Variants in ANKRD30B observed in about 807,000 individuals in gnomAD.
The protein encoded by ANKRD30B is ankyrin repeat domain-containing protein 30B.
A neutral mutation model predicts 202.2 loss-of-function variants in ANKRD30B; 144 were observed. The ratio of observed to expected loss-of-function variants is 0.71; its 90% CI spans 0.62 to 0.82. The LOEUF is 0.82. Ranked by LOEUF, ANKRD30B falls within the 40% of genes least tolerant of loss-of-function variation. ANKRD30B has a pLI of 0.00. For missense variants in ANKRD30B, 1,487 were observed against 1,669.1 expected (o/e 0.89, Z 1.90); for synonymous variants, 508 against 561.3 (o/e 0.91, Z 1.34).
At chr18:14,889,835 T>C in the ANKRD30B span, among the ~76,000 whole-genome samples, 1 of 151,774 alleles carries the variant, frequency 6.6e-6, no homozygotes, top group Non-Finnish European at 1.5e-5. Flanking sequence ...CAGAAAACAT[T>C]TTTTCTTAAC....
At chr18:14,810,252 A>T in intron 28 of ANKRD30B, 72 bp downstream of exon 28, 1 of 977,440 alleles carries the variant, frequency 1.0e-6, no homozygotes, top group Non-Finnish European at 1.5e-6. Context: ...AGAGCCTTTT[A>T]TTCCCAAAGT....
intron 26 of ANKRD30B, among the ~76,000 whole-genome samples, chr18:14,809,327 C>T (rs199728802): frequency 8.7e-5 from 13 of 150,014 alleles, no homozygotes; most frequent in African/African-American, 1.2e-4. Flanking sequence ...ACAGTCTTTC[C>T]ATAACCTATG....
At chr18:14,831,185 A>AAAAAAAAAAAAG (rs1970913464) in intron 33 of ANKRD30B, among the ~76,000 whole-genome samples, 198 bp from the exon 34 acceptor site, 1 of 150,278 alleles carries the variant, frequency 6.7e-6, no homozygotes, top group Non-Finnish European at 1.5e-5. Context: ...GTCTCGGAAA[A>AAAAAAAAAAAAG]AAAAAAAAAA....
Position 14,803,801 on chromosome 18 carries a change from A to G in ANKRD30B, c.2261A>G (p.Asp754Gly), listed in dbSNP as rs762476161. The G allele has an allele frequency of 8.1e-6, 13 of 1,602,978 alleles. No homozygotes were observed. Among genetic ancestry groups the G allele is most frequent in the East Asian group, 2.2e-5 (1 of 44,576 alleles). The change falls in exon 24 of 44, where the codon GAT (aspartate) becomes GGT (glycine). Residue 754 changes from aspartate to glycine, a missense_variant. Asp to Gly is a moderately conservative substitution (Grantham distance 94, BLOSUM62 -1). Transcript: ENST00000690538. ...AAGGCTACACATCAAAAAGAATTCGATACCTTAAGTGGAAAATTAGAAGGT... is the reference window on the plus strand; with the variant it reads ...AAGGCTACACATCAAAAAGAATTCGGTACCTTAAGTGGAAAATTAGAAGGT... ...LPKATHQKEF[D>G]TLSGKLEESP...
downstream of ANKRD30B, among the ~76,000 whole-genome samples, chr18:14,856,527 C>T (rs1424263580): frequency 7.2e-6 from 1 of 138,450 alleles, no homozygotes; most frequent in East Asian, 2.1e-4. Flanking sequence ...CCTCACCTCC[C>T]AGATGATGGG....
the ANKRD30B span, among the ~76,000 whole-genome samples, chr18:14,860,268 A>T: frequency 2.9e-5 from 4 of 138,722 alleles, no homozygotes; most frequent in Non-Finnish European, 4.6e-5. Flanking sequence ...CACTTCCCAG[A>T]TGGGGTGGCG....
chr18:14,753,473 G>A (rs117900645), intron 3 of ANKRD30B, among the ~76,000 whole-genome samples: 1,975 of 152,216 alleles, frequency 0.013, 20 homozygotes, highest in Non-Finnish European at 0.018. Context: ...TTTCCAGTTT[G>A]CCACTGTGCC....
At chr18:14,837,989 A>G (rs897157575) in intron 36 of ANKRD30B, among the ~76,000 whole-genome samples, 11 of 152,170 alleles carry the variant, frequency 7.2e-5, no homozygotes, top group Non-Finnish European at 1.0e-4. Flanking sequence ...GCATTCCAGC[A>G]TGGGCAACAG....
chr18:14,771,419 C>T (rs1350729535), intron 8 of ANKRD30B, among the ~76,000 whole-genome samples: 1 of 152,052 alleles, frequency 6.6e-6, no homozygotes, highest in African/African-American at 2.4e-5. Context: ...ATTTTTAAGG[C>T]TTTGCTAGTT....
At position 14,763,836 on chromosome 18, in the gene ANKRD30B, C is replaced by T; in HGVS notation, c.971C>T (p.Thr324Ile). The T allele has an allele frequency of 6.2e-7, 1 of 1,613,480 alleles. No homozygotes were observed. Among genetic ancestry groups the T allele is most frequent in the Non-Finnish European group, 8.5e-7 (1 of 1,179,722 alleles). The change falls in exon 7 of 44, where the codon ACA (threonine) becomes ATA (isoleucine). Residue 324 changes from threonine (T) to isoleucine (I), a missense_variant. By Grantham distance (89) the Thr-to-Ile change is moderately conservative. This residue lies in a region of ANKRD30B where 889 missense variants were observed against 841.4 expected (regional missense o/e 1.06). Transcript: ENST00000690538. ...AAAATTCAATGTCTGGGGAAAGCAACATCTGGAAAGTTTGAACAGTCAACA... is the reference window on the plus strand; with the variant it reads ...AAAATTCAATGTCTGGGGAAAGCAATATCTGGAAAGTTTGAACAGTCAACA... The part of the protein sequence containing the change: ...SAKIQCLGKA[T>I]SGKFEQSTEE...
the ANKRD30B span, chr18:14,910,214 T>C: frequency 2.0e-5 from 3 of 152,080 alleles, no homozygotes; most frequent in Non-Finnish European, 2.9e-5. Flanking sequence ...CAAAGGCTGT[T>C]TTTGTTCCTC....
chr18:14,833,504 A>G (rs1297984334), intron 34 of ANKRD30B, among the ~76,000 whole-genome samples: 1 of 152,214 alleles, frequency 6.6e-6, no homozygotes, highest in Admixed American at 6.5e-5. Flanking sequence ...CAAGGAATAC[A>G]TTACTCTAAA....
At chr18:14,917,899 C>T in the ANKRD30B span, among the ~76,000 whole-genome samples, 447 of 152,282 alleles carry the variant, frequency 2.9e-3, 2 homozygotes, top group African/African-American at 0.01. Flanking sequence ...TCCCCCAGGG[C>T]GATGAGCAAG....
chr18:14,838,299 C>A (rs1346215742), intron 36 of ANKRD30B, among the ~76,000 whole-genome samples: 1 of 152,166 alleles, frequency 6.6e-6, no homozygotes, highest in South Asian at 2.1e-4. Flanking sequence ...AAAGCTCTAA[C>A]TGGATTCGAG....
intron 10 of ANKRD30B, among the ~76,000 whole-genome samples, chr18:14,778,684 CTGAATACCT>C (rs1200699042): frequency 6.6e-6 from 1 of 152,180 alleles, no homozygotes; most frequent in Non-Finnish European, 1.5e-5. Context: ...AGAAAATCAG[CTGAATACCT>C]TGTCAACAAT....
chr18:14,856,423 T>C (rs1254254505), downstream of ANKRD30B, among the ~76,000 whole-genome samples: 1 of 127,118 alleles, frequency 7.9e-6, no homozygotes, highest in Non-Finnish European at 1.7e-5. Flanking sequence ...CCAGAGGGGG[T>C]GGCCGGGCAG....
chr18:14,797,588 C>T (rs1969000657), intron 18 of ANKRD30B, 73 bp from the exon 19 acceptor site: 7 of 1,459,034 alleles, frequency 4.8e-6, no homozygotes, highest in South Asian at 1.1e-5. Context: ...TCTTCATATT[C>T]ACACTGTATG....
At chr18:14,918,583 C>T in the ANKRD30B span, among the ~76,000 whole-genome samples, 1 of 152,046 alleles carries the variant, frequency 6.6e-6, no homozygotes, top group Admixed American at 6.6e-5. Flanking sequence ...TGTATGTCTT[C>T]CTGAGGCCAC....
chr18:14,825,523 A>G (rs1970622351), intron 32 of ANKRD30B, among the ~76,000 whole-genome samples: 1 of 151,062 alleles, frequency 6.6e-6, no homozygotes, highest in Non-Finnish European at 1.5e-5. Context: ...ATTTAGATAA[A>G]CTCCTCCACA....
Sources: gnomAD v4.1 joint callset for allele counts (sites outside exome capture counted in the v4.1 genomes callset) on GRCh38, gnomAD v4.1.1 for gene constraint, gnomAD v4.1.1 regional missense constraint, MANE v1.5 for transcripts, NCBI Gene and HGNC (gene_info 2026-07-23, HGNC 2026-07-21) for gene names.